Variants in HEATR5A observed in about 807,000 individuals in gnomAD.
HEATR5A encodes the protein HEAT repeat containing 5A.
Under a neutral mutation model 218.8 loss-of-function variants are expected in HEATR5A, and 178 were observed. That is an observed-to-expected ratio of 0.81 (90% CI 0.72 to 0.92). HEATR5A has a LOEUF of 0.92. Ranked by LOEUF, HEATR5A falls within the 40% of genes least tolerant of loss-of-function variation. The probability of loss-of-function intolerance (pLI) is 0.00; values close to 1 mark genes in which losing one functional copy is unlikely to be tolerated. For synonymous variants in HEATR5A, 864 were observed against 871.6 expected (o/e 0.99, Z 0.15); for missense variants, 2,420 against 2,418.9 (o/e 1.00, Z -0.01).
chr14:31,316,032 C>T, intron 26 of HEATR5A, 83 bp from the exon 27 acceptor site: 1 of 1,131,306 alleles, frequency 8.8e-7, no homozygotes, highest in Admixed American at 2.7e-5. Flanking sequence ...GCCTGTAATC[C>T]CAGCACTTTG....
At chr14:31,417,780 A>G (rs1027043864) in intron 1 of HEATR5A, among the ~76,000 whole-genome samples, 1 of 152,022 alleles carries the variant, frequency 6.6e-6, no homozygotes, top group African/African-American at 2.4e-5. Flanking sequence ...GAGTTGCCAA[A>G]ATTATAAAAC....
intron 19 of HEATR5A, among the ~76,000 whole-genome samples, chr14:31,346,879 T>C (rs1901040054): frequency 6.6e-6 from 1 of 152,158 alleles, no homozygotes; most frequent in African/African-American, 2.4e-5. Flanking sequence ...GAAATAAAAA[T>C]CATTCCATAT....
intron 19 of HEATR5A, 37 bp downstream of exon 19, chr14:31,347,711 C>A: frequency 6.9e-7 from 1 of 1,452,626 alleles, no homozygotes. Flanking sequence ...ATCTAAAAAT[C>A]ATGAATTTCA....
At chr14:31,374,210 G>A (rs1038139588) in intron 12 of HEATR5A, among the ~76,000 whole-genome samples, 1 of 150,916 alleles carries the variant, frequency 6.6e-6, no homozygotes, top group Non-Finnish European at 1.5e-5. Flanking sequence ...GGAGGCTGAC[G>A]TGAGAGGATC....
At chr14:31,386,127 C>T (rs1354801069) in intron 9 of HEATR5A, among the ~76,000 whole-genome samples, 1 of 152,192 alleles carries the variant, frequency 6.6e-6, no homozygotes, top group Admixed American at 6.5e-5. Context: ...TTGTACTGTA[C>T]TAATGTTTTC....
intron 22 of HEATR5A, among the ~76,000 whole-genome samples, chr14:31,335,748 G>T (rs1013621208): frequency 3.3e-5 from 5 of 152,056 alleles, no homozygotes; most frequent in African/African-American, 1.2e-4. Context: ...CCCCCTCCTG[G>T]GTTCAACTGA....
chr14:31,315,601 G>A (rs1379850467), intron 27 of HEATR5A, among the ~76,000 whole-genome samples, 169 bp downstream of exon 27: 1 of 152,188 alleles, frequency 6.6e-6, no homozygotes, highest in African/African-American at 2.4e-5. Flanking sequence ...TCTTTAAAAT[G>A]CTTGACTAAC....
intron 14 of HEATR5A, 67 bp downstream of exon 14, chr14:31,364,122 C>A (rs1595139978): frequency 6.3e-6 from 4 of 633,008 alleles, no homozygotes; most frequent in South Asian, 5.0e-5. Flanking sequence ...TAATGAGTGA[C>A]AATAACTATT....
intron 23 of HEATR5A, among the ~76,000 whole-genome samples, chr14:31,325,380 T>C (rs558535264): frequency 3.3e-5 from 5 of 152,304 alleles, no homozygotes; most frequent in South Asian, 2.1e-4. Context: ...TTATTGTATG[T>C]AGTGAAACTG....
rs1157455197 is a variant in HEATR5A, at chr14:31,363,256, T to C, written c.2071+933A>G. 4.0e-5 allele frequency among the ~76,000 whole-genome samples: 6 copies of C among 150,476 alleles called. No individual in the cohort carries two copies. In the East Asian group the frequency reaches 9.7e-4, roughly 24 times the overall value. The stretch of plus-strand genomic sequence containing the variant: ...TCTGTCTCCAAAAAAAAAAAAAAAG[T>C]TTATTTTAGTCTGAAAATAAATTTC... On this transcript the variant is annotated intron_variant, in intron 14 of 35. Transcript: ENST00000543095.
At chr14:31,363,929 A>G (rs1293753555) in intron 14 of HEATR5A, among the ~76,000 whole-genome samples, 1 of 152,182 alleles carries the variant, frequency 6.6e-6, no homozygotes, top group Non-Finnish European at 1.5e-5. Flanking sequence ...CCATGATTGC[A>G]TAACACTGCA....
chr14:31,311,842 C>T (rs1899764957), intron 28 of HEATR5A, among the ~76,000 whole-genome samples: 1 of 152,170 alleles, frequency 6.6e-6, no homozygotes, highest in Non-Finnish European at 1.5e-5. Flanking sequence ...CAAGTGCACA[C>T]CAAACAAAGG....
chr14:31,388,835 T>G lies in HEATR5A; in HGVS notation c.933+10A>C. 6.2e-7 allele frequency: 1 copy of G among 1,611,656 alleles called. No homozygotes were observed. Among genetic ancestry groups the G allele is most frequent in the Non-Finnish European group, 8.5e-7 (1 of 1,177,930 alleles). On this transcript the variant is annotated intron_variant, in intron 7 of 35. Transcript: ENST00000543095. Reference sequence around the variant, plus strand: ...AGAGTTAGACTGAGATACTGATTTGTGATTCCAACCTGAGTAACTCCAACT... The same window carrying G: ...AGAGTTAGACTGAGATACTGATTTGGGATTCCAACCTGAGTAACTCCAACT...
intron 18 of HEATR5A, 119 bp downstream of exon 18, chr14:31,349,670 A>T (rs1595124532): frequency 3.0e-6 from 2 of 671,526 alleles, no homozygotes; most frequent in South Asian, 4.0e-5. Context: ...TCAACATTTG[A>T]CAATTTTTCT....
At chr14:31,337,976 T>C (rs1900721706) in intron 21 of HEATR5A, among the ~76,000 whole-genome samples, 1 of 152,208 alleles carries the variant, frequency 6.6e-6, no homozygotes, top group African/African-American at 2.4e-5. Context: ...TGCAACTATA[T>C]TATAATGTTT....
Position 31,398,734 on chromosome 14 carries a change from A to G in HEATR5A, c.386T>C (p.Ile129Thr). The change falls in exon 4 of 36, where the codon ATA becomes ACA. Residue 129 changes from isoleucine (I) to threonine (T), a missense_variant. Ile to Thr is a moderately conservative substitution (Grantham distance 89). Transcript: ENST00000543095. Reference sequence around the variant, plus strand: ...TGTATCAGTAAAGGTGTTACCCAGTATTCTACCCAACTTCTTGTACAAGGA... The same window carrying G: ...TGTATCAGTAAAGGTGTTACCCAGTGTTCTACCCAACTTCTTGTACAAGGA... The part of the protein sequence containing the change: ...LGSLYKKLGR[I>T]LGNTFTDTVG... 1 of 1,533,838 alleles carries G rather than the reference A, an allele frequency of 6.5e-7. No individual in the cohort carries two copies.
At chr14:31,353,061 T>A (rs567868148) in intron 16 of HEATR5A, among the ~76,000 whole-genome samples, 4 of 152,146 alleles carry the variant, frequency 2.6e-5, no homozygotes, top group African/African-American at 9.6e-5. Context: ...AGGTTAATTG[T>A]ATTTATCGTA....
intron 13 of HEATR5A, among the ~76,000 whole-genome samples, chr14:31,368,376 A>G (rs1416365354): frequency 8.5e-5 from 13 of 152,178 alleles, no homozygotes; most frequent in Non-Finnish European, 1.5e-4. Flanking sequence ...ATCCAGCCTC[A>G]GGTATTTTGT....
intron 14 of HEATR5A, among the ~76,000 whole-genome samples, chr14:31,360,110 C>A (rs1331618292): frequency 1.3e-5 from 2 of 149,806 alleles, no homozygotes; most frequent in African/African-American, 4.9e-5. Context: ...TTCCAACTAT[C>A]TCATAAACAC....
Sources: gnomAD v4.1 joint callset for allele counts (sites outside exome capture counted in the v4.1 genomes callset) on GRCh38, gnomAD v4.1.1 for gene constraint, MANE v1.5 for transcripts, NCBI Gene and HGNC (gene_info 2026-07-23, HGNC 2026-07-21) for gene names.